The following IL18RAP variants were observed in gnomAD, a reference collection of about 807,000 sequenced individuals.
IL18RAP encodes the protein interleukin 18 receptor accessory protein.
In IL18RAP, 37 loss-of-function variants were observed where a neutral mutation model predicts 58.1. The ratio of observed to expected loss-of-function variants is 0.64; its 90% CI spans 0.49 to 0.84. IL18RAP has a LOEUF of 0.84. Among genes scored for constraint, IL18RAP ranks in the 40% least tolerant of loss-of-function variants. The probability of loss-of-function intolerance (pLI) is 0.00; values close to 1 mark genes in which losing one functional copy is unlikely to be tolerated. For missense variants in IL18RAP, 667 were observed against 704.8 expected (o/e 0.95, Z 0.61); for synonymous variants, 268 against 257.5 (o/e 1.04, Z -0.39).
In IL18RAP at chr2:102,443,269, G is replaced by A; in HGVS notation, c.866G>A (p.Trp289Ter). The change falls in exon 6 of 10, where the codon TGG becomes TAG. Residue 289 changes from tryptophan (W) to a stop codon, truncating the protein, a stop_gained. Transcript: ENST00000687160. LOFTEE classifies it high-confidence loss of function. Reference protein sequence around the residue: ...FERVFNPVIKWYIKDSDLEWE... With the variant: ...FERVFNPVIK ...AGGGTCTTTAACCCTGTCATAAAATGGTACATCAAAGATTCTGACCTAGAG... is the reference window on the plus strand; with the variant it reads ...AGGGTCTTTAACCCTGTCATAAAATAGTACATCAAAGATTCTGACCTAGAG... The A allele has an allele frequency of 6.2e-7, 1 of 1,613,718 alleles. No individual in the cohort carries two copies.
chr2:102,450,805 AG>A, intron 8 of IL18RAP, 42 bp from the exon 9 acceptor site: 1 of 1,337,738 alleles, frequency 7.5e-7, no homozygotes, highest in South Asian at 1.5e-5. Flanking sequence ...AGTAAAAAAA[AG>A]AGTAAATGAC....
intron 5 of IL18RAP, among the ~76,000 whole-genome samples, chr2:102,441,607 G>T (rs1683106848): frequency 6.6e-6 from 1 of 152,166 alleles, no homozygotes; most frequent in Non-Finnish European, 1.5e-5. Context: ...TATATTGCAG[G>T]CCGGGCATGG....
At chr2:102,426,125 A>G (rs1454783907) in intron 3 of IL18RAP, among the ~76,000 whole-genome samples, 1 of 152,158 alleles carries the variant, frequency 6.6e-6, no homozygotes, top group Non-Finnish European at 1.5e-5. Context: ...TGGCAGTAGT[A>G]CATCACTAAA....
rs777947995 is a variant in IL18RAP, at chr2:102,423,889, A to AGCCACAGAAATCACATTTCT, written c.162_181dup (p.Arg61HisfsTer41). 1.9e-6 allele frequency: 3 copies of AGCCACAGAAATCACATTTCT among 1,613,990 alleles called. No individual in the cohort carries two copies. Among genetic ancestry groups the AGCCACAGAAATCACATTTCT allele is most frequent in the Non-Finnish European group, 2.5e-6 (3 of 1,179,938 alleles). On this transcript the variant is annotated frameshift_variant, in exon 2 of 10. Transcript: ENST00000687160. LOFTEE classifies it high-confidence loss of function. ...TTTGTCTTATTTTGTGATTTACCAG[A>AGCCACAGAAATCACATTTCT]GCCACAGAAATCACATTTCTGCCAC...
chr2:102,426,573 G>A (rs773955661), intron 3 of IL18RAP, among the ~76,000 whole-genome samples: 1 of 152,020 alleles, frequency 6.6e-6, no homozygotes, highest in East Asian at 1.9e-4. Context: ...AATGGGGAAA[G>A]GATTACCTCT....
intron 3 of IL18RAP, among the ~76,000 whole-genome samples, chr2:102,433,114 A>G (rs1481138933): frequency 6.6e-6 from 1 of 152,088 alleles, no homozygotes; most frequent in Admixed American, 6.5e-5. Flanking sequence ...TGCACCTTGA[A>G]TAACATTTCC....
chr2:102,451,167 A>C, intron 9 of IL18RAP, 146 bp downstream of exon 9: 3 of 606,076 alleles, frequency 4.9e-6, no homozygotes, highest in Non-Finnish European at 8.1e-6. Context: ...CACAGAAACT[A>C]TATGTTCCAG....
chr2:102,419,135 T>A (rs1681418829), upstream of IL18RAP, among the ~76,000 whole-genome samples: 1 of 152,142 alleles, frequency 6.6e-6, no homozygotes, highest in African/African-American at 2.4e-5. Context: ...TTAAAAAAAC[T>A]GATGGTTATA....
At chr2:102,443,077 C>T (rs1034377202) in intron 5 of IL18RAP, 123 bp from the exon 6 acceptor site, 1 of 862,392 alleles carries the variant, frequency 1.2e-6, no homozygotes, top group African/African-American at 1.7e-5. Context: ...TTCTGGCACA[C>T]ATATTCTACC....
rs576337895 is a variant in IL18RAP at position 102,429,249 on chromosome 2, T to C, written c.579+4835T>C. Among the ~76,000 whole-genome samples, 6 of 152,016 alleles carry C rather than the reference T, an allele frequency of 3.9e-5. No homozygotes were observed. The East Asian group carries it at 9.6e-4, about 24-fold the overall frequency. ...TTTTATTACTGATTCAGTCTCCTTATTCATTATTGGTCTGTTTAGATTTTC... is the reference window on the plus strand; with the variant it reads ...TTTTATTACTGATTCAGTCTCCTTACTCATTATTGGTCTGTTTAGATTTTC... On this transcript the variant is annotated intron_variant, in intron 3 of 9. Coordinates refer to ENST00000687160, the MANE Select transcript of IL18RAP (RefSeq NM_001393487.1).
chr2:102,449,120 T>C (rs1683612705), intron 8 of IL18RAP, among the ~76,000 whole-genome samples: 1 of 151,810 alleles, frequency 6.6e-6, no homozygotes, highest in Non-Finnish European at 1.5e-5. Flanking sequence ...ATACAAAATG[T>C]AGCCAGGCTT....
At chr2:102,428,905 C>A (rs1682151828) in intron 3 of IL18RAP, among the ~76,000 whole-genome samples, 1 of 151,794 alleles carries the variant, frequency 6.6e-6, no homozygotes, top group Non-Finnish European at 1.5e-5. Flanking sequence ...GGGTTTTTAT[C>A]ATGAAGGGTG....
At chr2:102,443,400 A>G in intron 6 of IL18RAP, 77 bp downstream of exon 6, 8 of 1,521,688 alleles carry the variant, frequency 5.3e-6, no homozygotes, top group Non-Finnish European at 6.2e-6. Context: ...CCTAAAGTAT[A>G]CAGTTGATGG....
intron 5 of IL18RAP, among the ~76,000 whole-genome samples, chr2:102,441,745 G>A (rs891973626): frequency 8.6e-5 from 13 of 151,986 alleles, no homozygotes; most frequent in African/African-American, 2.4e-4. Context: ...AAAATTAGCC[G>A]GGCGTGGGTG....
chr2:102,443,903 G>A (rs1413599539), intron 6 of IL18RAP, among the ~76,000 whole-genome samples: 2 of 152,144 alleles, frequency 1.3e-5, no homozygotes, highest in African/African-American at 2.4e-5. Context: ...CACAGAACCC[G>A]GATCAGTGGT....
upstream of IL18RAP, among the ~76,000 whole-genome samples, chr2:102,420,217 C>A (rs3771156): frequency 1.3e-5 from 2 of 151,990 alleles, no homozygotes; most frequent in African/African-American, 4.8e-5. Context: ...CAGCACTAAC[C>A]CACCTCCCCA....
intron 3 of IL18RAP, among the ~76,000 whole-genome samples, chr2:102,436,166 T>TA (rs2104341340): frequency 6.6e-6 from 1 of 152,154 alleles, no homozygotes; most frequent in East Asian, 1.9e-4. Context: ...TATTTATGGG[T>TA]AAAAAAGATA....
intron 7 of IL18RAP, 63 bp from the exon 8 acceptor site, chr2:102,447,007 G>T: frequency 6.4e-7 from 1 of 1,555,740 alleles, no homozygotes. Flanking sequence ...GCGCCGGCCT[G>T]AACATGGTCT....
intron 3 of IL18RAP, among the ~76,000 whole-genome samples, chr2:102,430,065 G>A (rs935844618): frequency 1.3e-5 from 2 of 151,942 alleles, no homozygotes; most frequent in African/African-American, 2.4e-5. Flanking sequence ...TTCTGTATAT[G>A]TCTGTTAGGT....
Sources: gnomAD v4.1 joint callset for allele counts (sites outside exome capture counted in the v4.1 genomes callset) on GRCh38, gnomAD v4.1.1 for gene constraint, MANE v1.5 for transcripts, NCBI Gene and HGNC (gene_info 2026-07-23, HGNC 2026-07-21) for gene names.